TSPAN11: variants seen among roughly 807,000 people sequenced by gnomAD.
TSPAN11 encodes tetraspanin 11.
TSPAN11 carries 29 observed loss-of-function variants against 32.9 expected under a neutral mutation model. The observed-to-expected ratio is 0.88, with a 90% CI of 0.66 to 1.20. The LOEUF (loss-of-function observed/expected upper bound fraction) is 1.20, where lower values mean the gene tolerates loss of function less well. Ranked by LOEUF, TSPAN11 falls within the 50% of genes most tolerant of loss-of-function variation. TSPAN11 has a pLI of 0.00. For missense variants in TSPAN11, 283 were observed against 329.1 expected, an observed-to-expected ratio of 0.86 and a Z score of 1.08; for synonymous variants, 140 against 141.3, an observed-to-expected ratio of 0.99 and a Z score of 0.07.
chr12:30,953,842 G>A (rs1938429432), intron 1 of TSPAN11, 139 bp from the exon 2 acceptor site: 3 of 617,860 alleles, frequency 4.9e-6, no homozygotes, highest in Non-Finnish European at 8.5e-6. Context: ...GCTCCATGCT[G>A]CACATGCAGA....
chr12:30,974,863 G>A (rs2140300174), intron 3 of TSPAN11, among the ~76,000 whole-genome samples: 1 of 152,384 alleles, frequency 6.6e-6, no homozygotes, highest in African/African-American at 2.4e-5. Context: ...CAGCTGAGGA[G>A]AGAAGGGCAA....
chr12:31,008,233 G>A, the TSPAN11 span, among the ~76,000 whole-genome samples: 1 of 151,638 alleles, frequency 6.6e-6, no homozygotes, highest in African/African-American at 2.4e-5. Context: ...CCAAGAACAA[G>A]TAAAACAGGC....
At position 30,963,859 on chromosome 12, in the gene TSPAN11, T is replaced by C. The variant is rs1190886562; in HGVS notation, c.118T>C (p.Trp40Arg). ...AGCAGCCGTCCTGGCTGTGGGCATC[T>C]GGACCCTGGTGGAGAAGAGTGGCTA... is the stretch of plus-strand genomic sequence containing the variant. ...GGAAVLAVGI[W>R]TLVEKSGYLS... Residue 40 changes from tryptophan to arginine, a missense_variant, in exon 3 of 8, where the codon TGG becomes CGG. Trp to Arg is a moderately radical substitution (Grantham distance 101). Coordinates refer to ENST00000546076, the MANE Select transcript of TSPAN11 (RefSeq NM_001370302.1). 6.2e-7 allele frequency: 1 copy of C among 1,611,620 alleles called. No individual in the cohort carries two copies. The highest frequency in any genetic ancestry group is 1.3e-5 in the African/African-American group (1 of 75,074).
intron 7 of TSPAN11, among the ~76,000 whole-genome samples, chr12:30,989,680 A>G (rs28281): frequency 0.53 from 80,646 of 152,024 alleles, 23,217 homozygotes; most frequent in East Asian, 0.85. Flanking sequence ...ATGTCTCAGA[A>G]CATGGAAAAC....
intron 3 of TSPAN11, among the ~76,000 whole-genome samples, chr12:30,969,977 C>T (rs934430429): frequency 1.3e-5 from 2 of 152,174 alleles, no homozygotes; most frequent in Non-Finnish European, 2.9e-5. Context: ...TTCCAGGCTG[C>T]CCTGTTCCCT....
At chr12:30,930,255 C>T (rs1391091607) in intron 1 of TSPAN11, among the ~76,000 whole-genome samples, 1 of 152,108 alleles carries the variant, frequency 6.6e-6, no homozygotes, top group Non-Finnish European at 1.5e-5. Flanking sequence ...AGCTTTGAAC[C>T]TCCAGGCTAT....
downstream of TSPAN11, chr12:30,997,466 A>G (rs911839973): frequency 2.0e-5 from 3 of 152,674 alleles, no homozygotes; most frequent in Admixed American, 1.3e-4. Flanking sequence ...ACTTATAATC[A>G]TGGCAGAAGG....
chr12:30,980,719 T>G (rs4931399), intron 5 of TSPAN11, among the ~76,000 whole-genome samples: 100,717 of 151,096 alleles, frequency 0.67, 33,792 homozygotes, highest in South Asian at 0.75. Context: ...CTTCAGGGAG[T>G]CGTCTCTTCT....
At position 30,981,544 on chromosome 12, in the gene TSPAN11, G is replaced by A. The variant is rs767633327; in HGVS notation, c.457-988G>A. ...GCAGTTCCCGCGTGACTCCTTCTGC[G>A]CGCTGTGCCAGTCCCTGCTCTGTGT... On this transcript the variant is annotated intron_variant, in intron 5 of 7. Transcript: ENST00000546076. 6.6e-5 allele frequency among the ~76,000 whole-genome samples: 10 copies of A among 152,118 alleles called. No homozygotes were observed. In the South Asian group the frequency reaches 8.3e-4, roughly 13 times the overall value.
chr12:30,991,405 C>A (rs1939309362), intron 7 of TSPAN11, among the ~76,000 whole-genome samples: 1 of 152,162 alleles, frequency 6.6e-6, no homozygotes, highest in South Asian at 2.1e-4. Flanking sequence ...AGAGACAGTC[C>A]ACTTCAGACA....
chr12:30,972,749 A>G (rs565710920), intron 3 of TSPAN11, among the ~76,000 whole-genome samples: 3 of 146,470 alleles, frequency 2.0e-5, no homozygotes, highest in Non-Finnish European at 4.5e-5. Flanking sequence ...AGCAGGGAGG[A>G]GCAGGTGAAA....
intron 4 of TSPAN11, among the ~76,000 whole-genome samples, chr12:30,979,310 T>C (rs1196074707): frequency 6.6e-6 from 1 of 152,158 alleles, no homozygotes; most frequent in African/African-American, 2.4e-5. Flanking sequence ...CTGAGCCATC[T>C]CCCCAGCCTC....
chr12:30,986,774 C>T (rs1316785330), intron 7 of TSPAN11: 1 of 152,198 alleles, frequency 6.6e-6, no homozygotes, highest in African/African-American at 2.4e-5. Flanking sequence ...TTCCTTGTTA[C>T]CTTGTGGACG....
At chr12:30,957,003 G>A (rs1938491475) in intron 2 of TSPAN11, among the ~76,000 whole-genome samples, 1 of 152,230 alleles carries the variant, frequency 6.6e-6, no homozygotes, top group Non-Finnish European at 1.5e-5. Flanking sequence ...AGAAGATGGA[G>A]GACTTGAACC....
chr12:30,951,505 G>A (rs144676799), intron 1 of TSPAN11, among the ~76,000 whole-genome samples: 1 of 152,310 alleles, frequency 6.6e-6, no homozygotes, highest in Non-Finnish European at 1.5e-5. Flanking sequence ...GCTTTGTCAT[G>A]TACTTGCTAT....
In TSPAN11 at chr12:30,962,322, C is replaced by G. The variant is rs544644362; in HGVS notation, c.85-1504C>G. 3.3e-4 allele frequency among the ~76,000 whole-genome samples: 50 copies of G among 152,218 alleles called. 1 individual carries two copies. The highest frequency in any genetic ancestry group is 8.8e-5 in the Non-Finnish European group (6 of 67,996). ...AAAAACACAGAGTAGAGGAGCAGGC[C>G]CAGCCCAGTCTGTGGGATCTGGGGA... On this transcript the variant is annotated intron_variant, in intron 2 of 7. Coordinates refer to ENST00000546076, the MANE Select transcript of TSPAN11 (RefSeq NM_001370302.1).
At chr12:30,946,881 AC>A (rs1938279302) in intron 1 of TSPAN11, among the ~76,000 whole-genome samples, 2 of 151,370 alleles carry the variant, frequency 1.3e-5, no homozygotes, top group South Asian at 2.1e-4. Flanking sequence ...GTTGATTACC[AC>A]CCCCAGGTGG....
At chr12:30,981,008 C>T (rs947217487) in intron 5 of TSPAN11, among the ~76,000 whole-genome samples, 2 of 152,154 alleles carry the variant, frequency 1.3e-5, no homozygotes, top group African/African-American at 4.8e-5. Flanking sequence ...GAGAGAGCAG[C>T]GCAGGTTGGG....
At chr12:30,958,813 C>G (rs892375431) in intron 2 of TSPAN11, among the ~76,000 whole-genome samples, 5 of 152,116 alleles carry the variant, frequency 3.3e-5, no homozygotes, top group African/African-American at 1.2e-4. Flanking sequence ...GCATGGGTCC[C>G]TTGATGGCCC....
Sources: gnomAD v4.1 joint callset for allele counts (sites outside exome capture counted in the v4.1 genomes callset) on GRCh38, gnomAD v4.1.1 for gene constraint, MANE v1.5 for transcripts, NCBI Gene and HGNC (gene_info 2026-07-23, HGNC 2026-07-21) for gene names.